The following FHL3 variants were observed in gnomAD, a reference collection of about 807,000 sequenced individuals.
FHL3 encodes four and a half LIM domains protein 3.
Under a neutral mutation model 34.3 loss-of-function variants are expected in FHL3, and 21 were observed. That is an observed-to-expected ratio of 0.61 (90% CI 0.43 to 0.88). The LOEUF is 0.88. Among genes scored for constraint, FHL3 ranks in the 40% least tolerant of loss-of-function variants. The pLI, the probability that FHL3 is intolerant of heterozygous loss-of-function variation, is 0.00. For synonymous variants in FHL3, 137 were observed against 144.6 expected, an observed-to-expected ratio of 0.95 and a Z score of 0.38; for missense variants, 333 against 373.7, an observed-to-expected ratio of 0.89 and a Z score of 0.90.
chr1:37,997,729 C>G lies in FHL3; in HGVS notation c.643G>C (p.Glu215Gln). 1 of 1,614,160 alleles carries G rather than the reference C, an allele frequency of 6.2e-7. No individual in the cohort carries two copies. The highest frequency in any genetic ancestry group is 8.5e-7 in the Non-Finnish European group (1 of 1,180,012). Reference protein sequence around the residue: ...EDPYCVACFGELFAPKCSSCK... With the variant: ...EDPYCVACFGQLFAPKCSSCK... ...CTGCTGCACTTAGGTGCAAAGAGTT[C>G]TCCAAAACAGGCCACACAGTAGGGA... Residue 215 changes from glutamate to glutamine, a missense_variant, in exon 5 of 6, where the codon GAA becomes CAA. By Grantham distance (29) the Glu-to-Gln change is conservative. Coordinates refer to ENST00000373016, the MANE Select transcript of FHL3 (RefSeq NM_004468.5). This position sits in a 1 kb window ranked among gnomAD's most constrained non-coding sequence, Gnocchi z 4.3.
chr1:38,005,136 T>TGCCGCC (rs1488576424), intron 1 of FHL3, among the ~76,000 whole-genome samples: 1 of 151,604 alleles, frequency 6.6e-6, no homozygotes, highest in Admixed American at 6.6e-5. Context: ...CAACTCTCGC[T>TGCCGCC]GCCGCCCCCG....
intron 1 of FHL3, among the ~76,000 whole-genome samples, chr1:38,000,782 G>A (rs1187540619): frequency 6.6e-6 from 1 of 152,090 alleles, no homozygotes; most frequent in African/African-American, 2.4e-5. Flanking sequence ...CATCATGAAG[G>A]CTGCTCTCTA....
intron 1 of FHL3, among the ~76,000 whole-genome samples, chr1:38,002,301 TGTTA>T (rs1553167714): frequency 6.6e-6 from 1 of 152,006 alleles, no homozygotes; most frequent in Non-Finnish European, 1.5e-5. Context: ...GGTTTCACTG[TGTTA>T]GTCAGGATGG....
intron 3 of FHL3, chr1:37,998,728 T>G: frequency 1.9e-6 from 1 of 530,520 alleles, no homozygotes; most frequent in Non-Finnish European, 3.4e-6. Flanking sequence ...AGTTCCTACC[T>G]GTACTAAACA....
At chr1:37,999,582 T>C (rs2148730688) in intron 1 of FHL3, 150 bp from the exon 2 acceptor site, 1 of 692,998 alleles carries the variant, frequency 1.4e-6, no homozygotes, top group South Asian at 1.9e-5. Flanking sequence ...GGGGTGCTTC[T>C]GGGAAACCAG....
chr1:38,002,259 C>T (rs976135530), intron 1 of FHL3, among the ~76,000 whole-genome samples: 3 of 151,918 alleles, frequency 2.0e-5, no homozygotes, highest in Non-Finnish European at 4.4e-5. Flanking sequence ...CTACCACGCC[C>T]GGCTAATTTT....
chr1:37,999,363 C>T lies in FHL3; in HGVS notation c.50G>A (p.Arg17His), dbSNP rs775433440. 1.5e-5 allele frequency: 25 copies of T among 1,614,114 alleles called. No individual in the cohort carries two copies. Among genetic ancestry groups the T allele is most frequent in the African/African-American group, 5.3e-5 (4 of 74,942 alleles). The change falls in exon 2 of 6, where the codon CGC (arginine) becomes CAC (histidine). Residue 17 changes from arginine (R) to histidine (H), a missense_variant. Physicochemically the swap from Arg to His is conservative, Grantham distance 29. Coordinates refer to ENST00000373016, the MANE Select transcript of FHL3 (RefSeq NM_004468.5). The part of the protein sequence containing the change: ...CAKCNESLYG[R>H]KYIQTDSGPY... ...GCCGCTGTCTGTCTGGATGTACTTG[C>T]GTCCATACAGGGACTCGTTGCATTT...
At chr1:37,998,222 C>A in intron 3 of FHL3, 90 bp from the exon 4 acceptor site, 1 of 1,184,282 alleles carries the variant, frequency 8.4e-7, no homozygotes, top group Non-Finnish European at 1.2e-6. Context: ...CCACTCCTCT[C>A]TCAGCGTGAG....
chr1:38,000,873 G>A (rs1364986018), intron 1 of FHL3, among the ~76,000 whole-genome samples: 10 of 152,172 alleles, frequency 6.6e-5, no homozygotes, highest in South Asian at 2.1e-4. Context: ...GGATGAGCCC[G>A]GGGAAGTTAC....
At position 38,000,873 on chromosome 1, in the gene FHL3, G is replaced by GGGGAAGTTACA. The variant is rs527891318; in HGVS notation, c.-20-1452_-20-1442dup. 2.0e-3 allele frequency among the ~76,000 whole-genome samples: 305 copies of GGGGAAGTTACA among 152,172 alleles called. 4 individuals are homozygous for GGGGAAGTTACA. Among genetic ancestry groups the GGGGAAGTTACA allele is most frequent in the African/African-American group, 7.1e-3 (294 of 41,534 alleles). ...TGTTCTCACAGCTGTGGATGAGCCCGGGGAAGTTACAGGGACACACAAAGG... is the reference window on the plus strand; with the variant it reads ...TGTTCTCACAGCTGTGGATGAGCCCGGGGAAGTTACAGGGAAGTTACAGGGACACACAAAGG... On this transcript the variant is annotated intron_variant, in intron 1 of 5. Transcript: ENST00000373016.
intron 1 of FHL3, among the ~76,000 whole-genome samples, chr1:38,000,888 A>G (rs1004793761): frequency 1.3e-5 from 2 of 152,098 alleles, no homozygotes; most frequent in African/African-American, 2.4e-5. Context: ...AGTTACAGGG[A>G]CACACAAAGG....
chr1:37,997,571 C>T lies in FHL3; in HGVS notation c.689-12G>A. 1.2e-6 allele frequency: 2 copies of T among 1,613,706 alleles called. No homozygotes were observed. The highest frequency in any genetic ancestry group is 2.2e-5 in the South Asian group (2 of 91,054). On this transcript the variant is annotated splice_polypyrimidine_tract_variant and intron_variant, in intron 5 of 5. Transcript: ENST00000373016. The surrounding 1 kb of genome is among the most constrained non-coding windows in gnomAD (Gnocchi z 4.3). ...GCCTCCACCGAGTCCTGGAGGGAGG[C>T]TGGAAGTTAGCTATGCAGATGTGGG... is the stretch of plus-strand genomic sequence containing the variant.
intron 3 of FHL3, chr1:37,998,649 C>T (rs1047242472): frequency 3.0e-6 from 1 of 336,960 alleles, no homozygotes; most frequent in African/African-American, 2.1e-5. Context: ...CATGTTAAGC[C>T]CTCTGTTTAT....
rs1401447232 is a variant in FHL3, at chr1:37,997,301, C to G, written c.*104G>C. On this transcript the variant is annotated 3_prime_UTR_variant, in exon 6 of 6. Transcript: ENST00000373016. This position sits in a 1 kb window ranked among gnomAD's most constrained non-coding sequence, Gnocchi z 4.3. Reference sequence around the variant, plus strand: ...GACAATCCTGGAGCCCAGAAGGAGACCCATTTTTTTTGGCGGGGGGAGCTG... The same window carrying G: ...GACAATCCTGGAGCCCAGAAGGAGAGCCATTTTTTTTGGCGGGGGGAGCTG... 4 of 1,254,352 alleles carry G rather than the reference C, an allele frequency of 3.2e-6. No homozygotes were observed. Among genetic ancestry groups the G allele is most frequent in the Non-Finnish European group, 4.4e-6 (4 of 901,268 alleles). The allele number at this position is 1,254,352 out of a possible 1,614,324, so 77.7% of individuals were successfully genotyped here. A position where few individuals can be genotyped will look rare whatever the true frequency, so the allele number is the denominator to read the frequency against.
intron 3 of FHL3, chr1:37,998,761 GCCC>G (rs1395790557): frequency 1.7e-6 from 1 of 577,592 alleles, no homozygotes; most frequent in African/African-American, 1.9e-5. Flanking sequence ...CACATGCTAA[GCCC>G]CCAAGTATGT....
rs199967988 is a variant in FHL3 at position 37,997,453 on chromosome 1, C to T, written c.795G>A (p.Pro265=). Residue 265 remains proline, a synonymous_variant, in exon 6 of 6, where the codon CCG becomes CCA. Coordinates refer to ENST00000373016, the MANE Select transcript of FHL3 (RefSeq NM_004468.5). The surrounding 1 kb of genome is among the most constrained non-coding windows in gnomAD (Gnocchi z 4.3). ...STSLVGQGFV[P]DGDQVLCQGC... ...CCTGGCAGAGCACTTGGTCTCCATC[C>T]GGTACGAAGCCCTGGCCCACCAGGG... The T allele has an allele frequency of 3.2e-5, 52 of 1,614,052 alleles. No homozygotes were observed. Among genetic ancestry groups the T allele is most frequent in the Middle Eastern group, 1.7e-4 (1 of 6,058 alleles).
Position 37,999,358 on chromosome 1 carries a change from A to G in FHL3, c.55T>C (p.Tyr19His), listed in dbSNP as rs1646569962. The change falls in exon 2 of 6, where the codon TAC becomes CAC. Residue 19 changes from tyrosine to histidine, a missense_variant. Coordinates refer to ENST00000373016, the MANE Select transcript of FHL3 (RefSeq NM_004468.5). Reference protein sequence around the residue: ...KCNESLYGRKYIQTDSGPYCV... With the variant: ...KCNESLYGRKHIQTDSGPYCV... ...TAGGGGCCGCTGTCTGTCTGGATGT[A>G]CTTGCGTCCATACAGGGACTCGTTG... The G allele has an allele frequency of 6.2e-7, 1 of 1,614,120 alleles. No individual in the cohort carries two copies. Among genetic ancestry groups the G allele is most frequent in the South Asian group, 1.1e-5 (1 of 91,090 alleles).
Position 37,997,694 on chromosome 1 carries a change from G to A in FHL3, c.678C>T (p.Arg226=). The change falls in exon 5 of 6, where the codon CGC becomes CGT. Residue 226 remains arginine, a synonymous_variant. Coordinates refer to ENST00000373016, the MANE Select transcript of FHL3 (RefSeq NM_004468.5). The surrounding 1 kb of genome is among the most constrained non-coding windows in gnomAD (Gnocchi z 4.3). The stretch of plus-strand genomic sequence containing the variant: ...TGACCCTTGTCCCACCTACGATGGG[G>A]CGCTTGCAGCTGCTGCACTTAGGTG... The part of the protein sequence containing the change: ...LFAPKCSSCK[R]PIVGLGGGKY... The A allele has an allele frequency of 1.2e-6, 2 of 1,614,084 alleles. No homozygotes were observed. Among genetic ancestry groups the A allele is most frequent in the Non-Finnish European group, 1.7e-6 (2 of 1,179,980 alleles).
rs767558662 is a variant in FHL3, at chr1:37,997,594, G to A, written c.689-35C>T. 9.3e-6 allele frequency: 15 copies of A among 1,613,260 alleles called. No individual in the cohort carries two copies. Among genetic ancestry groups the A allele is most frequent in the Non-Finnish European group, 1.3e-5 (15 of 1,179,520 alleles). ...GGCTGGAAGTTAGCTATGCAGATGT[G>A]GGGATGGTCCGGCCCTCAACCTCAC... On this transcript the variant is annotated intron_variant, in intron 5 of 5. Coordinates refer to ENST00000373016, the MANE Select transcript of FHL3 (RefSeq NM_004468.5). The surrounding 1 kb of genome is among the most constrained non-coding windows in gnomAD (Gnocchi z 4.3).
Sources: gnomAD v4.1 joint callset for allele counts (sites outside exome capture counted in the v4.1 genomes callset) on GRCh38, gnomAD v4.1.1 for gene constraint, Gnocchi (gnomAD v3.1) non-coding constraint, MANE v1.5 for transcripts, NCBI Gene and HGNC (gene_info 2026-07-23, HGNC 2026-07-21) for gene names.